SLC25A39: variants seen among roughly 807,000 people sequenced by gnomAD.
SLC25A39 encodes the protein mitochondrial glutathione transporter SLC25A39.
SLC25A39 carries 44 observed loss-of-function variants against 46.6 expected under a neutral mutation model. That is an observed-to-expected ratio of 0.94 (90% CI 0.74 to 1.21). SLC25A39 has a LOEUF of 1.21. Ranked by LOEUF, SLC25A39 falls within the 50% of genes most tolerant of loss-of-function variation. SLC25A39 has a pLI of 0.00. For synonymous variants in SLC25A39, 218 were observed against 190.6 expected, an observed-to-expected ratio of 1.14 and a Z score of -1.19; for missense variants, 487 against 473.0, an observed-to-expected ratio of 1.03 and a Z score of -0.28.
chr17:44,323,188 G>T, intron 3 of SLC25A39, 96 bp downstream of exon 3: 3 of 1,446,714 alleles, frequency 2.1e-6, no homozygotes, highest in East Asian at 4.6e-5. Context: ...CTCCCAAAGC[G>T]CTGGGATTAC....
chr17:44,320,175 C>A, intron 11 of SLC25A39, 21 bp downstream of exon 11: 2 of 1,614,008 alleles, frequency 1.2e-6, no homozygotes, highest in Non-Finnish European at 1.7e-6. Context: ...ATGCCCCCAC[C>A]CCCGACACCC....
chr17:44,322,592 G>C (rs768990344), intron 4 of SLC25A39, 40 bp from the exon 5 acceptor site: 1 of 1,605,316 alleles, frequency 6.2e-7, no homozygotes, highest in African/African-American at 1.3e-5. Context: ...CAGGATCCTA[G>C]AACCTTGCAG....
In SLC25A39 at chr17:44,322,153, A is replaced by G. The variant is rs545533729; in HGVS notation, c.324+266T>C. The stretch of plus-strand genomic sequence containing the variant: ...AATCCCAGCTACTTCGGAGGCTGAG[A>G]CAGGAGAACCACTTGAACCCAGGAG... On this transcript the variant is annotated intron_variant, in intron 5 of 11. Transcript: ENST00000377095. Among the ~76,000 whole-genome samples, 3 of 152,268 alleles carry G rather than the reference A, an allele frequency of 2.0e-5. No homozygotes were observed. In the East Asian group the frequency reaches 5.8e-4, roughly 29 times the overall value.
chr17:44,323,800 C>T, intron 1 of SLC25A39: 1 of 545,978 alleles, frequency 1.8e-6, no homozygotes. Flanking sequence ...CACCACCACG[C>T]CTAGTTAATT....
In SLC25A39 at chr17:44,322,435, C is replaced by T. The variant is rs747485226; in HGVS notation, c.308G>A (p.Arg103His). The T allele has an allele frequency of 1.9e-5, 31 of 1,613,968 alleles. No individual in the cohort carries two copies. The highest frequency in any genetic ancestry group is 6.7e-5 in the East Asian group (3 of 44,890). Residue 103 changes from arginine (R) to histidine (H), a missense_variant, in exon 5 of 12, where the codon CGC becomes CAC. By Grantham distance (29) the Arg-to-His change is conservative. Coordinates refer to ENST00000377095, the MANE Select transcript of SLC25A39 (RefSeq NM_001143780.3). ...RCATWFQDPT[R>H]FTGTMDAFVK... ...GCTCCTCACCATGGTGCCAGTGAAG[C>T]GGGTAGGGTCTTGAAACCAGGTGGC...
Position 44,322,471 on chromosome 17 carries a change from C to G in SLC25A39, c.272G>C (p.Gly91Ala). 6.2e-7 allele frequency: 1 copy of G among 1,614,116 alleles called. No homozygotes were observed. Among genetic ancestry groups the G allele is most frequent in the Non-Finnish European group, 8.5e-7 (1 of 1,180,032 alleles). Residue 91 changes from glycine (G) to alanine (A), a missense_variant, in exon 5 of 12, where the codon GGT becomes GCT. Physicochemically the swap from Gly to Ala is moderately conservative, Grantham distance 60. Coordinates refer to ENST00000377095, the MANE Select transcript of SLC25A39 (RefSeq NM_001143780.3). ...VLEPLYLCPN[G>A]ARCATWFQDP... Reference sequence around the variant, plus strand: ...TTGAAACCAGGTGGCACAGCGGGCACCATTTGGGCACAGGTACAGAGGCTC... The same window carrying G: ...TTGAAACCAGGTGGCACAGCGGGCAGCATTTGGGCACAGGTACAGAGGCTC...
chr17:44,322,684 G>C, intron 4 of SLC25A39, 124 bp downstream of exon 4: 1 of 1,557,848 alleles, frequency 6.4e-7, no homozygotes, highest in Admixed American at 1.9e-5. Flanking sequence ...CACAGGACTG[G>C]CTGGCAGGAC....
chr17:44,323,225 T>C, intron 3 of SLC25A39, 59 bp downstream of exon 3: 2 of 1,598,366 alleles, frequency 1.3e-6, no homozygotes, highest in Admixed American at 1.7e-5. Context: ...GGCCAGCCTC[T>C]GGGAGATCTT....
chr17:44,323,439 A>AGCGCCCCCCCCCCCCCCCC, intron 2 of SLC25A39, 39 bp downstream of exon 2: 1 of 257,114 alleles, frequency 3.9e-6, no homozygotes. Flanking sequence ...GGTCTGCCCC[A>AGCGCCCCCCCCCCCCCCCC]TCCCCACCCG....
chr17:44,321,793 G>A (rs1006055141), intron 5 of SLC25A39, 26 bp from the exon 6 acceptor site: 1 of 1,601,782 alleles, frequency 6.2e-7, no homozygotes, highest in Non-Finnish European at 8.5e-7. Flanking sequence ...CCAGCCCAGG[G>A]GAAGAGGAGG....
intron 1 of SLC25A39, chr17:44,323,835 T>C (rs1371021764): frequency 1.7e-5 from 8 of 468,322 alleles, no homozygotes; most frequent in Non-Finnish European, 3.1e-5. Context: ...AGAGACAGGG[T>C]TTCACCATGT....
chr17:44,321,356 G>A, intron 7 of SLC25A39, 78 bp downstream of exon 7: 2 of 1,603,606 alleles, frequency 1.2e-6, no homozygotes, highest in Middle Eastern at 1.7e-4. Context: ...GGCAGAGGTT[G>A]GGGCTGGGAG....
rs552722507 is a variant in SLC25A39, at chr17:44,320,317, C to T, written c.883+38G>A. On this transcript the variant is annotated intron_variant, in intron 10 of 11. Transcript: ENST00000377095. ...CGGCTCAGTGAGACCCCATTCAGGA[C>T]CCCACCTGTCCCCTGCCACGGCAAT... 52 of 1,613,452 alleles carry T rather than the reference C, an allele frequency of 3.2e-5. 1 individual carries two copies. The South Asian group carries it at 5.1e-4, about 16-fold the overall frequency.
chr17:44,323,242 G>A (rs1192570530), intron 3 of SLC25A39, 42 bp downstream of exon 3: 1 of 1,610,058 alleles, frequency 6.2e-7, no homozygotes, highest in Non-Finnish European at 8.5e-7. Context: ...TCTTTCTTTT[G>A]CCCAGGCACC....
chr17:44,319,815 A>G lies in SLC25A39; in HGVS notation c.*186T>C. 1.7e-6 allele frequency: 1 copy of G among 587,510 alleles called. No homozygotes were observed. The highest frequency in any genetic ancestry group is 2.9e-5 in the East Asian group (1 of 34,864). 36.4% of individuals were successfully genotyped at this position (587,510 alleles called of 1,614,324 possible). A position where few individuals can be genotyped will look rare whatever the true frequency, so the allele number is the denominator to read the frequency against. ...TGATGATCCCCACGACTGGAGCAGC[A>G]GGAAGAAGTTGTGTCTGAGGAAGTG... is the stretch of plus-strand genomic sequence containing the variant. On this transcript the variant is annotated 3_prime_UTR_variant, in exon 12 of 12. Coordinates refer to ENST00000377095, the MANE Select transcript of SLC25A39 (RefSeq NM_001143780.3).
At chr17:44,320,893 G>T in intron 8 of SLC25A39, 162 bp from the exon 9 acceptor site, 1 of 999,188 alleles carries the variant, frequency 1.0e-6, no homozygotes, top group Non-Finnish European at 1.4e-6. Context: ...TGACCGCCTG[G>T]GCAAATACTC....
At chr17:44,320,137 G>A (rs113057918) in intron 11 of SLC25A39, 21 bp from the exon 12 acceptor site, 45 of 1,613,910 alleles carry the variant, frequency 2.8e-5, no homozygotes, top group South Asian at 5.5e-5. Context: ...AAGGAGGCCC[G>A]TGTCAGGGGT....
intron 3 of SLC25A39, among the ~76,000 whole-genome samples, 169 bp from the exon 4 acceptor site, chr17:44,323,021 C>G (rs1266242592): frequency 6.6e-6 from 1 of 152,182 alleles, no homozygotes; most frequent in Admixed American, 6.5e-5. Flanking sequence ...CTTCCCGGTT[C>G]AAGCGATTCT....
chr17:44,323,845 T>C (rs1027459957), intron 1 of SLC25A39: 8 of 432,222 alleles, frequency 1.9e-5, no homozygotes, highest in African/African-American at 1.4e-4. Context: ...TTTCACCATG[T>C]TGGCCAAGAT....
Sources: gnomAD v4.1 joint callset for allele counts (sites outside exome capture counted in the v4.1 genomes callset) on GRCh38, gnomAD v4.1.1 for gene constraint, MANE v1.5 for transcripts, NCBI Gene and HGNC (gene_info 2026-07-23, HGNC 2026-07-21) for gene names.